The following RABEP1 variants were observed in gnomAD, a reference collection of about 807,000 sequenced individuals.
The protein encoded by RABEP1 is rabaptin, RAB GTPase binding effector protein 1.
Under a neutral mutation model 123.4 loss-of-function variants are expected in RABEP1, and 51 were observed. The observed-to-expected ratio is 0.41, with a 90% CI of 0.33 to 0.52. RABEP1 has a LOEUF of 0.52. Ranked by LOEUF, RABEP1 falls within the 20% of genes least tolerant of loss-of-function variation. The pLI is 0.16. For missense variants in RABEP1, 888 were observed against 996.3 expected (o/e 0.89, Z 1.46); for synonymous variants, 347 against 355.2 (o/e 0.98, Z 0.26).
Position 5,384,570 on chromosome 17 carries a change from G to A in RABEP1, c.*1347G>A. 2 of 216,380 alleles carry A rather than the reference G, an allele frequency of 9.2e-6. No individual in the cohort carries two copies. Among genetic ancestry groups the A allele is most frequent in the East Asian group, 1.4e-4 (2 of 14,320 alleles). 13.4% of individuals were successfully genotyped at this position (216,380 alleles called of 1,614,324 possible). On this transcript the variant is annotated 3_prime_UTR_variant, in exon 18 of 18. Transcript: ENST00000537505. ...CGCCACCATCAACTTAAAGTGAATT[G>A]TCTTTGTTATAAATGAGGTCACTAT...
At chr17:5,363,995 A>C (rs1909796290) in intron 10 of RABEP1, among the ~76,000 whole-genome samples, 1 of 152,202 alleles carries the variant, frequency 6.6e-6, no homozygotes, top group African/African-American at 2.4e-5. Context: ...TGTTATGAAG[A>C]TTGTTCCCTT....
chr17:5,356,831 C>T (rs1284947531), intron 8 of RABEP1, among the ~76,000 whole-genome samples: 10 of 149,530 alleles, frequency 6.7e-5, no homozygotes, highest in Admixed American at 6.0e-4. Context: ...TTTGTAGAGA[C>T]GGTGTTTCAA....
chr17:5,370,500 GC>G (rs1422656635), intron 12 of RABEP1, among the ~76,000 whole-genome samples: 1 of 151,982 alleles, frequency 6.6e-6, no homozygotes, highest in Non-Finnish European at 1.5e-5. Flanking sequence ...TTGCCATGTC[GC>G]TTTAGTCACT....
chr17:5,350,817 CCT>C (rs917165265), intron 7 of RABEP1, among the ~76,000 whole-genome samples, 188 bp downstream of exon 7: 2 of 152,022 alleles, frequency 1.3e-5, no homozygotes, highest in Non-Finnish European at 2.9e-5. Context: ...GAAATGGCCT[CCT>C]CTCGGGGGTG....
chr17:5,289,728 T>G (rs866900335), intron 1 of RABEP1, among the ~76,000 whole-genome samples: 13 of 152,190 alleles, frequency 8.5e-5, no homozygotes, highest in Middle Eastern at 3.2e-3. Context: ...TTATTTTTTT[T>G]TCTGAATAGA....
chr17:5,357,929 A>G (rs898401734), intron 8 of RABEP1, among the ~76,000 whole-genome samples: 1 of 152,148 alleles, frequency 6.6e-6, no homozygotes, highest in Non-Finnish European at 1.5e-5. Context: ...CTGGCTGGTA[A>G]TTAATTCCAG....
chr17:5,314,415 G>A (rs1464179300), intron 2 of RABEP1, among the ~76,000 whole-genome samples: 1 of 146,438 alleles, frequency 6.8e-6, no homozygotes, highest in African/African-American at 2.5e-5. Context: ...GCTAGTTTTT[G>A]TATTTTTAGT....
rs894456185 is a variant in RABEP1 at position 5,289,716 on chromosome 17, C to G, written c.34+7196C>G. On this transcript the variant is annotated intron_variant, in intron 1 of 17. Transcript: ENST00000537505. ...GCTTCCAGGGCTGAGGCAGAGCACC[C>G]TTTATTTTTTTTTCTGAATAGATAG... is the stretch of plus-strand genomic sequence containing the variant. Among the ~76,000 whole-genome samples, 11 of 151,972 alleles carry G rather than the reference C, an allele frequency of 7.2e-5. No individual in the cohort carries two copies. The South Asian group carries it at 8.3e-4, about 11-fold the overall frequency.
chr17:5,282,505 G>T lies in RABEP1; in HGVS notation c.19G>T (p.Ala7Ser). The T allele has an allele frequency of 7.9e-7, 1 of 1,272,838 alleles. No homozygotes were observed. Among genetic ancestry groups the T allele is most frequent in the Non-Finnish European group, 9.9e-7 (1 of 1,008,460 alleles). The allele number at this position is 1,272,838 out of a possible 1,614,324, so 78.8% of individuals were successfully genotyped here. A position where few individuals can be genotyped will look rare whatever the true frequency, so the allele number is the denominator to read the frequency against. Residue 7 changes from alanine (A) to serine (S), a missense_variant, in exon 1 of 18, where the codon GCT becomes TCT. Physicochemically the swap from Ala to Ser is moderately conservative, Grantham distance 99. Transcript: ENST00000537505. ...CCTGGTCATGGCGCAGCCGGGCCCG[G>T]CTTCCCAGCCTGACGGTGAGGCGCC... The part of the protein sequence containing the change: MAQPGP[A>S]SQPDVSLQQR...
intron 15 of RABEP1, among the ~76,000 whole-genome samples, chr17:5,379,414 C>T (rs770353937): frequency 1.3e-5 from 2 of 152,128 alleles, no homozygotes; most frequent in Non-Finnish European, 2.9e-5. Flanking sequence ...TGAACAGGCT[C>T]AGGTGTCTCA....
At chr17:5,289,481 C>G (rs1372936548) in intron 1 of RABEP1, among the ~76,000 whole-genome samples, 4 of 150,092 alleles carry the variant, frequency 2.7e-5, no homozygotes, top group Non-Finnish European at 5.9e-5. Flanking sequence ...GAAGACCTCC[C>G]CAACTCTCAT....
chr17:5,321,688 ATTTCATGCAACT>A (rs1232432528), intron 2 of RABEP1, among the ~76,000 whole-genome samples: 5 of 152,338 alleles, frequency 3.3e-5, no homozygotes, highest in South Asian at 2.1e-4. Flanking sequence ...AGTAAAGGAT[ATTTCATGCAACT>A]GGAAACCAAA....
At chr17:5,379,129 CAG>C (rs1911237458) in intron 15 of RABEP1, among the ~76,000 whole-genome samples, 2 of 152,178 alleles carry the variant, frequency 1.3e-5, no homozygotes, top group African/African-American at 2.4e-5. Context: ...GTGGCAGTTT[CAG>C]AGTCACCTCA....
intron 1 of RABEP1, among the ~76,000 whole-genome samples, chr17:5,293,129 A>G (rs1198374452): frequency 1.3e-5 from 2 of 152,136 alleles, no homozygotes; most frequent in African/African-American, 4.8e-5. Context: ...TCTACTAAAC[A>G]TACAAAAATT....
At chr17:5,355,684 A>G (rs1005579748) in intron 8 of RABEP1, among the ~76,000 whole-genome samples, 6 of 152,070 alleles carry the variant, frequency 3.9e-5, no homozygotes, top group African/African-American at 1.5e-4. Context: ...TACTTTGCAG[A>G]TTTACTTTGA....
intron 1 of RABEP1, among the ~76,000 whole-genome samples, chr17:5,289,067 T>A (rs1294356778): frequency 6.6e-6 from 1 of 152,162 alleles, no homozygotes; most frequent in Non-Finnish European, 1.5e-5. Context: ...GGCCTCTTTG[T>A]TTATTGGCTG....
chr17:5,290,383 C>G (rs8075948), intron 1 of RABEP1, among the ~76,000 whole-genome samples: 84,863 of 152,024 alleles, frequency 0.56, 24,903 homozygotes, highest in East Asian at 0.96. Context: ...CCACCGCGCC[C>G]GTCCTCCTTG....
At chr17:5,344,727 G>A (rs895398217) in intron 5 of RABEP1, among the ~76,000 whole-genome samples, 2 of 142,178 alleles carry the variant, frequency 1.4e-5, no homozygotes, top group Non-Finnish European at 3.0e-5. Flanking sequence ...TGCCGAGATC[G>A]TGCCTCTGCA....
chr17:5,298,550 A>G (rs2075103923), intron 1 of RABEP1, among the ~76,000 whole-genome samples: 1 of 152,048 alleles, frequency 6.6e-6, no homozygotes, highest in Non-Finnish European at 1.5e-5. Flanking sequence ...CTTCATATGG[A>G]GCTTCTTAAA....
Sources: allele counts gnomAD v4.1 joint callset (sites outside exome capture counted in the v4.1 genomes callset), GRCh38; gene constraint gnomAD v4.1.1; transcripts MANE v1.5; gene names NCBI Gene and HGNC (gene_info 2026-07-23, HGNC 2026-07-21).